Variants in VIPR2 observed in about 807,000 individuals in gnomAD.
VIPR2 encodes vasoactive intestinal polypeptide receptor 2.
A neutral mutation model predicts 58.0 loss-of-function variants in VIPR2; 48 were observed. That is an observed-to-expected ratio of 0.83 (90% CI 0.66 to 1.05). The LOEUF (loss-of-function observed/expected upper bound fraction) is 1.05. Among genes scored for constraint, VIPR2 ranks in the 50% least tolerant of loss-of-function variants. The pLI is 0.00. For missense variants in VIPR2, 534 were observed against 558.0 expected (o/e 0.96, Z 0.43); for synonymous variants, 243 against 235.2 (o/e 1.03, Z -0.30).
chr7:159,122,557 A>T (rs1796494083), intron 2 of VIPR2, among the ~76,000 whole-genome samples: 1 of 152,114 alleles, frequency 6.6e-6, no homozygotes, highest in African/African-American at 2.4e-5. Flanking sequence ...GTGGGTCCGG[A>T]GGGTGCTGGC....
chr7:159,111,940 G>C (rs1027464124), intron 2 of VIPR2, among the ~76,000 whole-genome samples: 11 of 152,156 alleles, frequency 7.2e-5, no homozygotes, highest in African/African-American at 2.7e-4. Context: ...GAGCCTGGGA[G>C]GTCGAGGTTG....
At chr7:159,082,505 T>C (rs2129494940) in intron 4 of VIPR2, among the ~76,000 whole-genome samples, 1 of 152,284 alleles carries the variant, frequency 6.6e-6, no homozygotes, top group African/African-American at 2.4e-5. Flanking sequence ...CATTAGGAGA[T>C]ATACCAAATG....
At chr7:159,103,962 C>T (rs1858462482) in intron 3 of VIPR2, 108 bp from the exon 4 acceptor site, 2 of 913,374 alleles carry the variant, frequency 2.2e-6, no homozygotes, top group East Asian at 2.6e-5. Flanking sequence ...TTCCCACACC[C>T]AGGGGTCAGC....
chr7:159,070,043 G>C (rs535776083), intron 4 of VIPR2, among the ~76,000 whole-genome samples: 20 of 152,256 alleles, frequency 1.3e-4, no homozygotes, highest in Non-Finnish European at 2.8e-4. Context: ...TGTTTGCTTT[G>C]TCCGGTACCT....
At chr7:159,054,585 G>C (rs1855194888) in intron 5 of VIPR2, among the ~76,000 whole-genome samples, 2 of 152,192 alleles carry the variant, frequency 1.3e-5, no homozygotes, top group South Asian at 4.1e-4. Context: ...AGGGAAATCA[G>C]GGAAATGTAA....
At chr7:159,142,956 G>C (rs765803749) in intron 1 of VIPR2, among the ~76,000 whole-genome samples, 2 of 152,234 alleles carry the variant, frequency 1.3e-5, no homozygotes, top group Non-Finnish European at 2.9e-5. Context: ...GGAAAGAGCC[G>C]TGATAGAAGG....
intron 4 of VIPR2, among the ~76,000 whole-genome samples, chr7:159,068,482 C>T (rs1441066713): frequency 6.6e-6 from 1 of 152,220 alleles, no homozygotes; most frequent in Non-Finnish European, 1.5e-5. Context: ...GAAGAGGGTT[C>T]CCACACGGCC....
rs749854615 is a variant in VIPR2, at chr7:159,035,940, T to C, written c.809+12A>G. 1 of 1,613,120 alleles carries C rather than the reference T, an allele frequency of 6.2e-7. No homozygotes were observed. The highest frequency in any genetic ancestry group is 8.5e-7 in the Non-Finnish European group (1 of 1,179,408). On this transcript the variant is annotated intron_variant, in intron 8 of 12. Transcript: ENST00000262178. The stretch of plus-strand genomic sequence containing the variant: ...GCCCGTTTTCGAGGTTGCAGTCTGG[T>C]CATGGACTCACCCGGTGTCTTCTAA...
At chr7:159,050,495 A>G (rs1360459712) in intron 5 of VIPR2, among the ~76,000 whole-genome samples, 1 of 152,044 alleles carries the variant, frequency 6.6e-6, no homozygotes, top group Non-Finnish European at 1.5e-5. Flanking sequence ...TAAAATTAAG[A>G]CAATCAAATA....
At chr7:159,053,370 G>A (rs1421859893) in intron 5 of VIPR2, among the ~76,000 whole-genome samples, 3 of 152,096 alleles carry the variant, frequency 2.0e-5, no homozygotes, top group Non-Finnish European at 4.4e-5. Flanking sequence ...TTATGTGTAA[G>A]ACTTCCACTC....
At chr7:159,074,437 G>T (rs1038219565) in intron 4 of VIPR2, among the ~76,000 whole-genome samples, 5 of 152,168 alleles carry the variant, frequency 3.3e-5, no homozygotes, top group African/African-American at 4.8e-5. Context: ...TGATCAGTTT[G>T]TGAGGGTGGA....
chr7:159,083,685 G>T (rs993793509), intron 4 of VIPR2, among the ~76,000 whole-genome samples: 3 of 152,210 alleles, frequency 2.0e-5, no homozygotes, highest in Non-Finnish European at 4.4e-5. Flanking sequence ...AGGTCTGGTG[G>T]ACACGTTTAC....
rs1858064440 is a variant in VIPR2, at chr7:159,099,292, A to G, written c.357+4465T>C. 6.6e-6 allele frequency among the ~76,000 whole-genome samples: 1 copy of G among 152,242 alleles called. No homozygotes were observed. The highest frequency in any genetic ancestry group is 1.9e-4 in the East Asian group (1 of 5,202). ...AAATAGTTCTTCAGACTAAACAGCA[A>G]AGCATCAGGGGATCACAGAGCCACT... is the stretch of plus-strand genomic sequence containing the variant. On this transcript the variant is annotated intron_variant, in intron 4 of 12. Coordinates refer to ENST00000262178, the MANE Select transcript of VIPR2 (RefSeq NM_003382.5). The surrounding 1 kb of genome is among the most constrained non-coding windows in gnomAD (Gnocchi z 4.2).
chr7:159,087,790 T>C (rs1381238882), intron 4 of VIPR2, among the ~76,000 whole-genome samples: 3 of 112,486 alleles, frequency 2.7e-5, no homozygotes, highest in East Asian at 2.9e-4. Flanking sequence ...ACCCAGGACT[T>C]GGATAGTGAG....
chr7:159,049,015 G>A (rs139925180), intron 5 of VIPR2, among the ~76,000 whole-genome samples: 45 of 152,054 alleles, frequency 3.0e-4, no homozygotes, highest in African/African-American at 9.9e-4. Flanking sequence ...CTATCAACAT[G>A]CCACCCCCAT....
chr7:159,138,844 T>C (rs1436877043), intron 2 of VIPR2, among the ~76,000 whole-genome samples: 3 of 151,064 alleles, frequency 2.0e-5, no homozygotes, highest in Non-Finnish European at 4.4e-5. Flanking sequence ...GCATATTAGA[T>C]ATATATATGT....
intron 3 of VIPR2, among the ~76,000 whole-genome samples, chr7:159,104,547 TGCCCTCCCTCCTC>T (rs1858522638): frequency 1.7e-5 from 2 of 118,284 alleles, no homozygotes; most frequent in African/African-American, 3.2e-5. Flanking sequence ...CTCCCAGCAA[TGCCCTCCCTCCTC>T]CCAGCCAGGC....
At chr7:159,079,929 T>A (rs147521875) in intron 4 of VIPR2, among the ~76,000 whole-genome samples, 13,209 of 152,244 alleles carry the variant, frequency 0.087, 637 homozygotes, top group Middle Eastern at 0.14. Context: ...AGAAGTTGAA[T>A]CTCTGAATAG....
chr7:159,036,091 C>A (rs1853933951), intron 7 of VIPR2, 79 bp from the exon 8 acceptor site: 24 of 1,487,720 alleles, frequency 1.6e-5, no homozygotes, highest in Non-Finnish European at 2.2e-5. Flanking sequence ...CCAGCAAAAC[C>A]CTCAAGGACA....
Sources: gnomAD v4.1 joint callset for allele counts (sites outside exome capture counted in the v4.1 genomes callset) on GRCh38, gnomAD v4.1.1 for gene constraint, Gnocchi (gnomAD v3.1) non-coding constraint, MANE v1.5 for transcripts, NCBI Gene and HGNC (gene_info 2026-07-23, HGNC 2026-07-21) for gene names.